Variants in SLC38A3 observed in about 807,000 individuals in gnomAD.
The protein encoded by SLC38A3 is solute carrier family 38 member 3, also known as sodium-coupled neutral amino acid transporter 3.
In SLC38A3, 17 loss-of-function variants were observed where a neutral mutation model predicts 59.5. That is an observed-to-expected ratio of 0.29 (90% CI 0.20 to 0.43). SLC38A3 has a LOEUF of 0.43. Ranked by LOEUF, SLC38A3 falls within the 20% of genes least tolerant of loss-of-function variation. The pLI, the probability that SLC38A3 is intolerant of heterozygous loss-of-function variation, is 1.00. For missense variants in SLC38A3, 454 were observed against 653.9 expected, an observed-to-expected ratio of 0.69 and a Z score of 3.33; for synonymous variants, 238 against 260.3, an observed-to-expected ratio of 0.91 and a Z score of 0.82.
At chr3:50,213,471 C>A (rs1207739476) in intron 1 of SLC38A3, among the ~76,000 whole-genome samples, 1 of 152,216 alleles carries the variant, frequency 6.6e-6, no homozygotes, top group Non-Finnish European at 1.5e-5. Flanking sequence ...GCGGGAAGGG[C>A]CCAGGTGTCC....
Position 50,220,258 on chromosome 3 carries a change from G to T in SLC38A3, c.*81G>T. On this transcript the variant is annotated 3_prime_UTR_variant, in exon 16 of 16. Coordinates refer to ENST00000614032, the MANE Select transcript of SLC38A3 (RefSeq NM_006841.6). ...AGCCCCTGCTCCCATCCAGTGGCCA[G>T]TCGGGGGAGGAGAAAGACGCGATTA... 1 of 1,051,514 alleles carries T rather than the reference G, an allele frequency of 9.5e-7. No individual in the cohort carries two copies. The allele number at this position is 1,051,514 out of a possible 1,614,324, so 65.1% of individuals were successfully genotyped here.
At chr3:50,205,634 A>G (rs982361488) in intron 1 of SLC38A3, among the ~76,000 whole-genome samples, 20 of 152,152 alleles carry the variant, frequency 1.3e-4, no homozygotes, top group Non-Finnish European at 2.6e-4. Context: ...GTACAGCAGG[A>G]GGTCGGCGGC....
chr3:50,212,724 G>C (rs565762746), intron 1 of SLC38A3, among the ~76,000 whole-genome samples: 28 of 152,272 alleles, frequency 1.8e-4, no homozygotes, highest in African/African-American at 6.5e-4. Context: ...GCCTCCAGGG[G>C]CACCAGGCCT....
In SLC38A3 at chr3:50,219,977, A is replaced by G. The variant is rs753793903; in HGVS notation, c.1403A>G (p.Lys468Arg). 1.2e-6 allele frequency: 2 copies of G among 1,612,084 alleles called. No individual in the cohort carries two copies. The highest frequency in any genetic ancestry group is 2.2e-5 in the East Asian group (1 of 44,860). ...TEKEPARSTPKILALCFAMLG... is the reference protein window; with the variant it reads ...TEKEPARSTPRILALCFAMLG... The stretch of plus-strand genomic sequence containing the variant: ...AAGGAGCCTGCAAGATCCACCCCCA[A>G]AATCCTGGTGCGAGGGGCCTGGAGG... The change falls in exon 15 of 16, where the codon AAA becomes AGA. Residue 468 changes from lysine to arginine, a missense_variant. Physicochemically the swap from Lys to Arg is conservative, Grantham distance 26. Around this residue, in one of 3 missense-constraint regions of SLC38A3, gnomAD observed 59 missense variants for 70.8 expected, o/e 0.83. Transcript: ENST00000614032.
intron 1 of SLC38A3, among the ~76,000 whole-genome samples, chr3:50,207,037 C>G (rs1160919308): frequency 6.6e-6 from 1 of 152,224 alleles, no homozygotes; most frequent in Non-Finnish European, 1.5e-5. Context: ...CTGAACTGGA[C>G]ACACCCTGGA....
chr3:50,218,499 A>C lies in SLC38A3; in HGVS notation c.1037-94A>C. 5 of 1,584,164 alleles carry C rather than the reference A, an allele frequency of 3.2e-6. No homozygotes were observed. The South Asian group carries it at 4.5e-5, about 14-fold the overall frequency. On this transcript the variant is annotated intron_variant, in intron 12 of 15. Transcript: ENST00000614032. This position sits in a 1 kb window ranked among gnomAD's most constrained non-coding sequence, Gnocchi z 5.8. ...CTTGCCGCTGTGGAGGTGAGTCTGCATGCCAATCCCCACAGTGTTGGGGTC... is the reference window on the plus strand; with the variant it reads ...CTTGCCGCTGTGGAGGTGAGTCTGCCTGCCAATCCCCACAGTGTTGGGGTC...
At chr3:50,206,569 G>A (rs1699650874) in intron 1 of SLC38A3, among the ~76,000 whole-genome samples, 2 of 152,230 alleles carry the variant, frequency 1.3e-5, no homozygotes, top group African/African-American at 4.8e-5. Context: ...GGGGAAATTC[G>A]GCACAGCCAC....
rs747583473 is a variant in SLC38A3 at position 50,218,875 on chromosome 3, C to T, written c.1233C>T (p.Ala411=). The T allele has an allele frequency of 3.1e-6, 5 of 1,613,720 alleles. 1 individual carries two copies. In the South Asian group the frequency reaches 3.3e-5, roughly 11 times the overall value. ...GCTGGCTGCGGCATGTGCTTATTGCCGTTGGCCTGCTCACTTGTATCAACC... is the reference window on the plus strand; with the variant it reads ...GCTGGCTGCGGCATGTGCTTATTGCTGTTGGCCTGCTCACTTGTATCAACC... ...EFSWLRHVLI[A]VGLLTCINLL... The change falls in exon 14 of 16, where the codon GCC becomes GCT. Residue 411 remains alanine, a synonymous_variant. Transcript: ENST00000614032. This position sits in a 1 kb window ranked among gnomAD's most constrained non-coding sequence, Gnocchi z 5.8.
Position 50,214,080 on chromosome 3 carries a change from G to C in SLC38A3, c.-51-69G>C. Reference sequence around the variant, plus strand: ...TCTGGGAGGTGTGCTATGGCTGCAGGCCTCAGGTAGGAGGCTAGGCCGTAG... The same window carrying C: ...TCTGGGAGGTGTGCTATGGCTGCAGCCCTCAGGTAGGAGGCTAGGCCGTAG... On this transcript the variant is annotated intron_variant, in intron 1 of 15. Coordinates refer to ENST00000614032, the MANE Select transcript of SLC38A3 (RefSeq NM_006841.6). The surrounding 1 kb of genome is among the most constrained non-coding windows in gnomAD (Gnocchi z 6.0). The C allele has an allele frequency of 2.4e-6, 2 of 849,798 alleles. No individual in the cohort carries two copies. Among genetic ancestry groups the C allele is most frequent in the Non-Finnish European group, 3.8e-6 (2 of 531,048 alleles). The allele number at this position is 849,798 out of a possible 1,614,324, so 52.6% of individuals were successfully genotyped here.
chr3:50,219,935 G>A lies in SLC38A3; in HGVS notation c.1361G>A (p.Arg454Gln), dbSNP rs368987135. 1.5e-5 allele frequency: 24 copies of A among 1,613,298 alleles called. No individual in the cohort carries two copies. The highest frequency in any genetic ancestry group is 1.5e-4 in the African/African-American group (11 of 74,880). Residue 454 changes from arginine to glutamine, a missense_variant, in exon 15 of 16, where the codon CGA becomes CAA. Transcript: ENST00000614032. ...ATCTTCCCTGCCATCTTCTACTTCC[G>A]AATCATGCCCACGGAGAAGGAGCCT... ...IFIFPAIFYF[R>Q]IMPTEKEPAR... is the part of the protein sequence containing the mutation.
At position 50,217,585 on chromosome 3, in the gene SLC38A3, C is replaced by T; in HGVS notation, c.691-91C>T. On this transcript the variant is annotated intron_variant, in intron 9 of 15. Coordinates refer to ENST00000614032, the MANE Select transcript of SLC38A3 (RefSeq NM_006841.6). The surrounding 1 kb of genome is among the most constrained non-coding windows in gnomAD (Gnocchi z 4.9). The stretch of plus-strand genomic sequence containing the variant: ...GGGAAGCCTGGGCCAGAAGGCAGCT[C>T]CACCAGTCCTGATCTAGATGTGGCT... The T allele has an allele frequency of 1.3e-6, 2 of 1,583,500 alleles. No individual in the cohort carries two copies. The highest frequency in any genetic ancestry group is 1.7e-6 in the Non-Finnish European group (2 of 1,156,496).
chr3:50,219,998 G>T lies in SLC38A3; in HGVS notation c.1410+14G>T. On this transcript the variant is annotated intron_variant, in intron 15 of 15. Transcript: ENST00000614032. Reference sequence around the variant, plus strand: ...CCCAAAATCCTGGTGCGAGGGGCCTGGAGGCCGGTGGGCTGGTATGGGGCT... The same window carrying T: ...CCCAAAATCCTGGTGCGAGGGGCCTTGAGGCCGGTGGGCTGGTATGGGGCT... 6.2e-7 allele frequency: 1 copy of T among 1,607,532 alleles called. No homozygotes were observed. Among genetic ancestry groups the T allele is most frequent in the Non-Finnish European group, 8.5e-7 (1 of 1,176,790 alleles).
chr3:50,208,203 CT>C (rs1472095187), intron 1 of SLC38A3, among the ~76,000 whole-genome samples: 1 of 152,134 alleles, frequency 6.6e-6, no homozygotes, highest in Admixed American at 6.5e-5. Context: ...GCTGGGCCCC[CT>C]GGCTCCCTCT....
Position 50,217,731 on chromosome 3 carries a change from C to G in SLC38A3, c.746C>G (p.Thr249Ser), listed in dbSNP as rs1699838720. The G allele has an allele frequency of 1.9e-6, 3 of 1,613,748 alleles. No individual in the cohort carries two copies. Among genetic ancestry groups the G allele is most frequent in the Non-Finnish European group, 2.5e-6 (3 of 1,179,866 alleles). Reference sequence around the variant, plus strand: ...CCACTGCCCCCCAACTTCAACAACACCACAGGCAACTTCAGCCACGTGGAG... The same window carrying G: ...CCACTGCCCCCCAACTTCAACAACAGCACAGGCAACTTCAGCCACGTGGAG... ...PCPLPPNFNN[T>S]TGNFSHVEIV... is the part of the protein sequence containing the mutation. The change falls in exon 10 of 16, where the codon ACC (threonine) becomes AGC (serine). Residue 249 changes from threonine (T) to serine (S), a missense_variant. Physicochemically the swap from Thr to Ser is moderately conservative, Grantham distance 58. This residue lies in a region of SLC38A3 where 390 missense variants were observed against 557.9 expected (regional missense o/e 0.70). Coordinates refer to ENST00000614032, the MANE Select transcript of SLC38A3 (RefSeq NM_006841.6). The surrounding 1 kb of genome is among the most constrained non-coding windows in gnomAD (Gnocchi z 4.9).
At position 50,214,736 on chromosome 3, in the gene SLC38A3, T is replaced by A; in HGVS notation, c.267T>A (p.Tyr89Ter). ...IMGSGILGLA[Y>*]AMANTGIILF... ...GCAGCGGCATCCTGGGACTCGCCTA[T>A]GCCATGGCCAATACGGGCATTATCC... Residue 89 changes from tyrosine (Y) to a stop codon, truncating the protein, a stop_gained, in exon 4 of 16, where the codon TAT (tyrosine) becomes TAA (stop). Coordinates refer to ENST00000614032, the MANE Select transcript of SLC38A3 (RefSeq NM_006841.6). LOFTEE classifies it high-confidence loss of function. The surrounding 1 kb of genome is among the most constrained non-coding windows in gnomAD (Gnocchi z 6.0). 6.2e-7 allele frequency: 1 copy of A among 1,613,188 alleles called. No homozygotes were observed. The highest frequency in any genetic ancestry group is 8.5e-7 in the Non-Finnish European group (1 of 1,179,436).
intron 1 of SLC38A3, among the ~76,000 whole-genome samples, chr3:50,208,143 G>C (rs961831103): frequency 2.0e-5 from 3 of 152,232 alleles, no homozygotes; most frequent in Admixed American, 6.5e-5. Flanking sequence ...GGTCCTCCAG[G>C]GTTCTGCCTG....
At chr3:50,216,096 G>A (rs766610067) in intron 7 of SLC38A3, among the ~76,000 whole-genome samples, 197 of 152,334 alleles carry the variant, frequency 1.3e-3, no homozygotes, top group Non-Finnish European at 2.2e-3. Flanking sequence ...TCCTCACCCC[G>A]GACCCAGCCT....
Position 50,220,138 on chromosome 3 carries a change from C to A in SLC38A3, c.1476C>A (p.Asp492Glu). The change falls in exon 16 of 16, where the codon GAC (aspartate) becomes GAA (glutamate). Residue 492 changes from aspartate (D) to glutamate (E), a missense_variant. Coordinates refer to ENST00000614032, the MANE Select transcript of SLC38A3 (RefSeq NM_006841.6). Reference protein sequence around the residue: ...MTMSLSFIIIDWASGTSRHGG... With the variant: ...MTMSLSFIIIEWASGTSRHGG... ...TGAGCTTGAGCTTCATCATCATTGACTGGGCCTCAGGGACCAGCCGGCATG... is the reference window on the plus strand; with the variant it reads ...TGAGCTTGAGCTTCATCATCATTGAATGGGCCTCAGGGACCAGCCGGCATG... The A allele has an allele frequency of 6.2e-7, 1 of 1,602,524 alleles. No homozygotes were observed.
At position 50,214,557 on chromosome 3, in the gene SLC38A3, G is replaced by A. The variant is rs1415652008; in HGVS notation, c.183+74G>A. The stretch of plus-strand genomic sequence containing the variant: ...TGCAGTAATGAGGTGGTCTCTGGCA[G>A]CAGTGGGAGGCTGAGGGACAGTCAG... On this transcript the variant is annotated intron_variant, in intron 3 of 15. Coordinates refer to ENST00000614032, the MANE Select transcript of SLC38A3 (RefSeq NM_006841.6). The surrounding 1 kb of genome is among the most constrained non-coding windows in gnomAD (Gnocchi z 6.0). 9.5e-6 allele frequency: 14 copies of A among 1,474,584 alleles called. No homozygotes were observed. In the Middle Eastern group the frequency reaches 6.8e-4, roughly 72 times the overall value. 91.3% of individuals were successfully genotyped at this position (1,474,584 alleles called of 1,614,324 possible). A position where few individuals can be genotyped will look rare whatever the true frequency, so the allele number is the denominator to read the frequency against.
Sources: gnomAD v4.1 joint callset for allele counts (sites outside exome capture counted in the v4.1 genomes callset) on GRCh38, gnomAD v4.1.1 for gene constraint, gnomAD v4.1.1 regional missense constraint, Gnocchi (gnomAD v3.1) non-coding constraint, MANE v1.5 for transcripts, NCBI Gene and HGNC (gene_info 2026-07-23, HGNC 2026-07-21) for gene names.